The following ARL13B variants were observed in gnomAD, a reference collection of about 807,000 sequenced individuals.
ARL13B encodes the protein ADP-ribosylation factor-like protein 13B.
A neutral mutation model predicts 56.1 loss-of-function variants in ARL13B; 36 were observed. That is an observed-to-expected ratio of 0.64 (90% CI 0.49 to 0.85). The LOEUF is 0.85. ARL13B is among the 40% of genes least tolerant of loss of function. The pLI, the probability that ARL13B is intolerant of heterozygous loss-of-function variation, is 0.00. For synonymous variants in ARL13B, 178 were observed against 171.1 expected, an observed-to-expected ratio of 1.04 and a Z score of -0.32; for missense variants, 519 against 507.1, an observed-to-expected ratio of 1.02 and a Z score of -0.23.
At chr3:94,019,491 G>T (rs965227228) in intron 3 of ARL13B, among the ~76,000 whole-genome samples, 2 of 152,144 alleles carry the variant, frequency 1.3e-5, no homozygotes, top group Non-Finnish European at 2.9e-5. Flanking sequence ...CACCGCAACT[G>T]GTCAAGTCCC....
intron 1 of ARL13B, among the ~76,000 whole-genome samples, chr3:93,980,964 C>A (rs1269863515): frequency 6.6e-6 from 1 of 152,086 alleles, no homozygotes; most frequent in Admixed American, 6.6e-5. Context: ...CCATTTTGGC[C>A]CCACCTTTCT....
At chr3:94,050,954 C>A in intron 9 of ARL13B, 62 bp downstream of exon 9, 4 of 1,488,810 alleles carry the variant, frequency 2.7e-6, no homozygotes, top group Non-Finnish European at 3.7e-6. Context: ...TTTTCTTTAG[C>A]CTTATAATTT....
rs1242349606 is a variant in ARL13B, at chr3:94,029,301, C to CATATATAT, written c.381-6003_381-5996dup. Among the ~76,000 whole-genome samples, 530 of 77,116 alleles carry CATATATAT rather than the reference C, an allele frequency of 6.9e-3. 1 individual carries two copies. The highest frequency in any genetic ancestry group is 9.7e-3 in the South Asian group (17 of 1,744). The allele number at this position is 77,116 out of a possible 152,430, so 50.6% of individuals were successfully genotyped here. On this transcript the variant is annotated intron_variant, in intron 3 of 9. Coordinates refer to ENST00000394222, the MANE Select transcript of ARL13B (RefSeq NM_001174150.2). Reference sequence around the variant, plus strand: ...AGGAAATTGCTGTATCTATCAAAATCATATATATATATATATATATATATA... The same window carrying CATATATAT: ...AGGAAATTGCTGTATCTATCAAAATCATATATATATATATATATATATATATATATATA...
intron 3 of ARL13B, among the ~76,000 whole-genome samples, chr3:94,034,613 G>T (rs1294862827): frequency 6.6e-6 from 1 of 151,698 alleles, no homozygotes; most frequent in African/African-American, 2.4e-5. Context: ...CATTAGAATT[G>T]TAGATGAGCT....
intron 1 of ARL13B, among the ~76,000 whole-genome samples, chr3:93,992,896 C>T (rs866776084): frequency 2.0e-5 from 3 of 151,798 alleles, no homozygotes; most frequent in African/African-American, 4.8e-5. Flanking sequence ...CAGGTTCAAT[C>T]GATTCTCGCA....
intron 2 of ARL13B, among the ~76,000 whole-genome samples, chr3:94,002,188 A>G (rs760815114): frequency 1.3e-5 from 2 of 152,190 alleles, no homozygotes; most frequent in Non-Finnish European, 2.9e-5. Flanking sequence ...ACTTTCTGCA[A>G]TGATGGAAAT....
rs746717195 is a variant in ARL13B, at chr3:93,995,890, A to T, written c.76A>T (p.Met26Leu). ...TATTTTAAGAAAGGTGACTCTTTTG[A>T]TGGTGGGACTTGATAATGCTGGTAA... is the stretch of plus-strand genomic sequence containing the variant. The part of the protein sequence containing the change: ...REPVRKVTLL[M>L]VGLDNAGKTA... The change falls in exon 2 of 10, where the codon ATG becomes TTG. Residue 26 changes from methionine to leucine, a missense_variant. By Grantham distance (15) the Met-to-Leu change is conservative. Transcript: ENST00000394222. 8 of 1,612,518 alleles carry T rather than the reference A, an allele frequency of 5.0e-6. No individual in the cohort carries two copies. In the South Asian group the frequency reaches 5.5e-5, roughly 11 times the overall value.
rs551588474 is a variant in ARL13B at position 94,036,332 on chromosome 3, A to G, written c.487-220A>G. 9.8e-5 allele frequency among the ~76,000 whole-genome samples: 15 copies of G among 152,290 alleles called. 1 individual carries two copies. The East Asian group carries it at 2.9e-3, about 29-fold the overall frequency. On this transcript the variant is annotated intron_variant, in intron 4 of 9. Transcript: ENST00000394222. The stretch of plus-strand genomic sequence containing the variant: ...GCACTGTCACCCTCTTCTTTATAAT[A>G]TCTTACATAGTGTACAGATGTTATC...
chr3:94,003,862 T>G lies in ARL13B; in HGVS notation c.334T>G (p.Ser112Ala), dbSNP rs745945029. ...AATGGAAGAGACAAAAGAGGCTATG[T>G]CAGAAATGCTAAGACATCCTAGGAT... is the stretch of plus-strand genomic sequence containing the variant. Reference protein sequence around the residue: ...ERMEETKEAMSEMLRHPRISG... With the variant: ...ERMEETKEAMAEMLRHPRISG... The change falls in exon 3 of 10, where the codon TCA (serine) becomes GCA (alanine). Residue 112 changes from serine (S) to alanine (A), a missense_variant. Ser to Ala is a moderately conservative substitution (Grantham distance 99). Coordinates refer to ENST00000394222, the MANE Select transcript of ARL13B (RefSeq NM_001174150.2). 6.2e-7 allele frequency: 1 copy of G among 1,613,636 alleles called. No homozygotes were observed. Among genetic ancestry groups the G allele is most frequent in the Non-Finnish European group, 8.5e-7 (1 of 1,179,702 alleles).
At chr3:93,990,746 A>G (rs2075860516) in intron 1 of ARL13B, among the ~76,000 whole-genome samples, 1 of 152,182 alleles carries the variant, frequency 6.6e-6, no homozygotes, top group Non-Finnish European at 1.5e-5. Context: ...TAAGGCTGCT[A>G]TGCTGAGATA....
Position 94,003,828 on chromosome 3 carries a change from T to C in ARL13B, c.300T>C (p.Asp100=). ...YGVIFVVDSS[D]EERMEETKEA... ...TAATATTTGTTGTGGATTCCAGTGA[T>C]GAAGAGAGAATGGAAGAGACAAAAG... The change falls in exon 3 of 10, where the codon GAT becomes GAC. Residue 100 remains aspartate, a synonymous_variant. Transcript: ENST00000394222. The C allele has an allele frequency of 6.2e-7, 1 of 1,613,654 alleles. No individual in the cohort carries two copies. Among genetic ancestry groups the C allele is most frequent in the East Asian group, 2.2e-5 (1 of 44,796 alleles).
At position 94,036,634 on chromosome 3, in the gene ARL13B, T is replaced by C. The variant is rs1162964739; in HGVS notation, c.569T>C (p.Ile190Thr). Reference sequence around the variant, plus strand: ...GGCCTTTATTGGCTGCTACATGTTATTGCAAGAGACTTTGATGCCTTAAAT... The same window carrying C: ...GGCCTTTATTGGCTGCTACATGTTACTGCAAGAGACTTTGATGCCTTAAAT... ...KKGLYWLLHV[I>T]ARDFDALNER... is the part of the protein sequence containing the mutation. The change falls in exon 5 of 10, where the codon ATT (isoleucine) becomes ACT (threonine). Residue 190 changes from isoleucine to threonine, a missense_variant. Coordinates refer to ENST00000394222, the MANE Select transcript of ARL13B (RefSeq NM_001174150.2). 4 of 1,614,114 alleles carry C rather than the reference T, an allele frequency of 2.5e-6. No homozygotes were observed. The highest frequency in any genetic ancestry group is 3.4e-6 in the Non-Finnish European group (4 of 1,180,020).
intron 3 of ARL13B, among the ~76,000 whole-genome samples, chr3:94,009,676 A>T (rs1261531687): frequency 6.6e-6 from 1 of 152,026 alleles, no homozygotes; most frequent in East Asian, 1.9e-4. Flanking sequence ...TTGAATTTAT[A>T]AGGTCTATTG....
intron 3 of ARL13B, 40 bp downstream of exon 3, chr3:94,003,948 G>A (rs1474958796): frequency 1.9e-6 from 3 of 1,610,886 alleles, no homozygotes; most frequent in Admixed American, 1.7e-5. Flanking sequence ...AGGGACGATG[G>A]CATTGGCCAC....
chr3:94,050,805 T>C lies in ARL13B; in HGVS notation c.1142-19T>C. 1.2e-6 allele frequency: 2 copies of C among 1,607,824 alleles called. 1 individual carries two copies. On this transcript the variant is annotated intron_variant, in intron 8 of 9. Coordinates refer to ENST00000394222, the MANE Select transcript of ARL13B (RefSeq NM_001174150.2). ...ACCTTGTTTAACAGTGTTTTTTAAA[T>C]GTTTTTCTTTTTCTTTAGTTGGCTG...
Position 94,035,362 on chromosome 3 carries a change from T to A in ARL13B, c.412T>A (p.Leu138Ile). The A allele has an allele frequency of 1.9e-6, 3 of 1,611,860 alleles. No homozygotes were observed. The South Asian group carries it at 3.3e-5, about 18-fold the overall frequency. Reference sequence around the variant, plus strand: ...AAATAAACAAGATAAAGAAGGAGCTTTAGGAGAAGCTGATGTCATTGAATG... The same window carrying A: ...AAATAAACAAGATAAAGAAGGAGCTATAGGAGAAGCTGATGTCATTGAATG... ...LANKQDKEGA[L>I]GEADVIECLS... The change falls in exon 4 of 10, where the codon TTA (leucine) becomes ATA (isoleucine). Residue 138 changes from leucine (L) to isoleucine (I), a missense_variant. Coordinates refer to ENST00000394222, the MANE Select transcript of ARL13B (RefSeq NM_001174150.2).
chr3:94,034,200 A>T (rs941069108), intron 3 of ARL13B, among the ~76,000 whole-genome samples: 7 of 152,062 alleles, frequency 4.6e-5, no homozygotes, highest in African/African-American at 1.7e-4. Flanking sequence ...AATAGAAGGT[A>T]TGTAGATTTT....
At chr3:94,005,038 T>C (rs2076111180) in intron 3 of ARL13B, among the ~76,000 whole-genome samples, 1 of 152,150 alleles carries the variant, frequency 6.6e-6, no homozygotes, top group African/African-American at 2.4e-5. Context: ...AAACTAGTCA[T>C]TTAATTTTTT....
At chr3:94,032,498 T>A (rs1376739817) in intron 3 of ARL13B, among the ~76,000 whole-genome samples, 1 of 146,540 alleles carries the variant, frequency 6.8e-6, no homozygotes. Flanking sequence ...TGGAGATTTC[T>A]TTTTTTTTTT....
Sources: gnomAD v4.1 joint callset for allele counts (sites outside exome capture counted in the v4.1 genomes callset) on GRCh38, gnomAD v4.1.1 for gene constraint, MANE v1.5 for transcripts, NCBI Gene and HGNC (gene_info 2026-07-23, HGNC 2026-07-21) for gene names.